The following SFXN1 variants were observed in gnomAD, a reference collection of about 807,000 sequenced individuals.
The protein encoded by SFXN1 is sideroflexin-1.
Under a neutral mutation model 39.5 loss-of-function variants are expected in SFXN1, and 32 were observed. The ratio of observed to expected loss-of-function variants is 0.81; its 90% confidence interval spans 0.61 to 1.09. The LOEUF is 1.09. Among genes scored for constraint, SFXN1 ranks in the 50% least tolerant of loss-of-function variants. The pLI is 0.00. For synonymous variants in SFXN1, 136 were observed against 146.5 expected, an observed-to-expected ratio of 0.93 and a Z score of 0.52; for missense variants, 402 against 407.1, an observed-to-expected ratio of 0.99 and a Z score of 0.11.
intron 1 of SFXN1, among the ~76,000 whole-genome samples, chr5:175,487,272 A>G (rs1031819900): frequency 6.6e-6 from 1 of 152,220 alleles, no homozygotes; most frequent in African/African-American, 2.4e-5. Context: ...GAAGCTCTCC[A>G]GGTGATTTTG....
chr5:175,519,864 C>CTTTTTT (rs369561037), intron 8 of SFXN1, among the ~76,000 whole-genome samples: 29 of 77,248 alleles, frequency 3.8e-4, no homozygotes, highest in Non-Finnish European at 4.6e-4. Flanking sequence ...GGGTTTTTTG[C>CTTTTTT]TTTTTTTTTT....
At position 175,509,198 on chromosome 5, in the gene SFXN1, T is replaced by C. The variant is rs768841572; in HGVS notation, c.331T>C (p.Tyr111His). Reference protein sequence around the residue: ...MTITGCMMTFYRTTPAVLFWQ... With the variant: ...MTITGCMMTFHRTTPAVLFWQ... ...CATCACAGGTTGTATGATGACGTTT[T>C]ACAGGTATGTTATGAATATGTAGCA... Residue 111 changes from tyrosine (Y) to histidine (H), a missense_variant, in exon 3 of 11, where the codon TAC (tyrosine) becomes CAC (histidine). Transcript: ENST00000321442. The C allele has an allele frequency of 6.2e-7, 1 of 1,611,790 alleles. No individual in the cohort carries two copies. Among genetic ancestry groups the C allele is most frequent in the Non-Finnish European group, 8.5e-7 (1 of 1,179,094 alleles).
At chr5:175,505,563 A>ATAATAATAATAATAAT (rs1760260386) in intron 2 of SFXN1, among the ~76,000 whole-genome samples, 1 of 121,600 alleles carries the variant, frequency 8.2e-6, no homozygotes, top group Non-Finnish European at 1.6e-5. Context: ...AATAATAATA[A>ATAATAATAATAATAAT]TAATAATAAT....
Position 175,492,138 on chromosome 5 carries a change from A to T in SFXN1, c.35A>T (p.Lys12Met), listed in dbSNP as rs778768262. Residue 12 changes from lysine (K) to methionine (M), a missense_variant, in exon 2 of 11, where the codon AAG becomes ATG. Physicochemically the swap from Lys to Met is moderately conservative, Grantham distance 95. Coordinates refer to ENST00000321442, the MANE Select transcript of SFXN1 (RefSeq NM_022754.7). ...SGELPPNINI[K>M]EPRWDQSTFI... is the part of the protein sequence containing the mutation. The stretch of plus-strand genomic sequence containing the variant: ...GAACTACCACCAAACATTAACATCA[A>T]GGAACCTCGATGGGATCAAAGCACT... 1.2e-6 allele frequency: 2 copies of T among 1,613,840 alleles called. No homozygotes were observed. Among genetic ancestry groups the T allele is most frequent in the African/African-American group, 2.7e-5 (2 of 74,928 alleles).
intron 10 of SFXN1, chr5:175,524,088 T>C (rs1055321534): frequency 7.4e-5 from 9 of 120,864 alleles, no homozygotes; most frequent in African/African-American, 2.9e-4. Context: ...TGGGCAACAG[T>C]GCGAGATTCT....
intron 2 of SFXN1, among the ~76,000 whole-genome samples, chr5:175,500,667 G>A (rs1017724451): frequency 6.6e-6 from 1 of 152,010 alleles, no homozygotes; most frequent in Non-Finnish European, 1.5e-5. Flanking sequence ...CTAGAATATT[G>A]GAAACAATTT....
intron 6 of SFXN1, 132 bp from the exon 7 acceptor site, chr5:175,513,331 T>C: frequency 1.6e-6 from 1 of 624,328 alleles, no homozygotes; most frequent in Non-Finnish European, 2.5e-6. Context: ...AAAACAGATG[T>C]GTCAGTACCA....
In SFXN1 at chr5:175,529,260, T is replaced by C. The variant is rs156370; in HGVS notation, c.*2526T>C. On this transcript the variant is annotated 3_prime_UTR_variant, in exon 11 of 11. Coordinates refer to ENST00000321442, the MANE Select transcript of SFXN1 (RefSeq NM_022754.7). Reference sequence around the variant, plus strand: ...GGCTGAGGTAGGAGAATCGCTTGAATCCGGGAGCTGGAGGTTGCAGTGAGC... The same window carrying C: ...GGCTGAGGTAGGAGAATCGCTTGAACCCGGGAGCTGGAGGTTGCAGTGAGC... 0.24 allele frequency: 35,723 copies of C among 150,982 alleles called. 5,598 individuals carry two copies. The highest frequency in any genetic ancestry group is 0.45 in the African/African-American group (18,411 of 41,044). 9.4% of individuals were successfully genotyped at this position (150,982 alleles called of 1,614,324 possible). A position where few individuals can be genotyped will look rare whatever the true frequency, so the allele number is the denominator to read the frequency against.
At chr5:175,509,267 T>C (rs1289232559) in intron 3 of SFXN1, 65 bp downstream of exon 3, 1 of 1,474,908 alleles carries the variant, frequency 6.8e-7, no homozygotes, top group African/African-American at 1.4e-5. Flanking sequence ...TATTTTTGTA[T>C]GTAAATAATT....
intron 1 of SFXN1, among the ~76,000 whole-genome samples, chr5:175,480,356 G>A (rs1032581064): frequency 1.3e-5 from 2 of 151,950 alleles, no homozygotes; most frequent in Admixed American, 6.6e-5. Context: ...AGCCGAGATC[G>A]CGCCACTGCA....
intron 1 of SFXN1, chr5:175,491,662 T>C (rs2113279069): frequency 6.5e-6 from 1 of 153,006 alleles, no homozygotes; most frequent in South Asian, 2.1e-4. Context: ...GTTTTTAAAA[T>C]TTTTTGTAGA....
At chr5:175,502,843 AAATAAT>A (rs569098543) in intron 2 of SFXN1, among the ~76,000 whole-genome samples, 1 of 150,270 alleles carries the variant, frequency 6.7e-6, no homozygotes, top group Non-Finnish European at 1.5e-5. Context: ...CTCTATCTCA[AAATAAT>A]AATAATAATA....
At chr5:175,517,616 C>T (rs1204601659) in intron 8 of SFXN1, among the ~76,000 whole-genome samples, 3 of 152,156 alleles carry the variant, frequency 2.0e-5, no homozygotes, top group Non-Finnish European at 2.9e-5. Flanking sequence ...TTCACAGTTG[C>T]TGGTATATGT....
intron 8 of SFXN1, among the ~76,000 whole-genome samples, chr5:175,521,297 A>C (rs1262515475): frequency 1.3e-5 from 2 of 151,924 alleles, no homozygotes; most frequent in African/African-American, 2.4e-5. Context: ...TTATGCCAGA[A>C]ATAGTTTTAA....
chr5:175,525,823 A>C (rs1399966981), intron 10 of SFXN1: 3 of 152,220 alleles, frequency 2.0e-5, no homozygotes, highest in Admixed American at 6.5e-5. Context: ...CAGGTTGCCC[A>C]GGCTGGTCTC....
intron 1 of SFXN1, among the ~76,000 whole-genome samples, chr5:175,489,115 C>A (rs1425616353): frequency 1.2e-5 from 1 of 85,780 alleles, no homozygotes; most frequent in African/African-American, 5.3e-5. Context: ...TTTTTTTAGA[C>A]CTTCTGAAAA....
rs574354010 is a variant in SFXN1, at chr5:175,510,500, A to G, written c.434+293A>G. ...CACCCTGGAGCTCATGGCCCTGTAG[A>G]ACACATGGCAGGCAGCACCGGCCTG... On this transcript the variant is annotated intron_variant, in intron 4 of 10. Transcript: ENST00000321442. Among the ~76,000 whole-genome samples, 74 of 152,210 alleles carry G rather than the reference A, an allele frequency of 4.9e-4. 1 individual carries two copies. The highest frequency in any genetic ancestry group is 1.8e-3 in the African/African-American group (73 of 41,542).
At position 175,518,562 on chromosome 5, in the gene SFXN1, G is replaced by A. The variant is rs184061855; in HGVS notation, c.774+1899G>A. The stretch of plus-strand genomic sequence containing the variant: ...TTAAAGTTTGGGGCACAGAGGGAGC[G>A]CATAGGAGGTATCTTACCCAACTGG... On this transcript the variant is annotated intron_variant, in intron 8 of 10. Transcript: ENST00000321442. Among the ~76,000 whole-genome samples, 218 of 152,246 alleles carry A rather than the reference G, an allele frequency of 1.4e-3. 2 individuals are homozygous for A. The highest frequency in any genetic ancestry group is 8.7e-4 in the Non-Finnish European group (59 of 68,022).
chr5:175,521,845 TCCA>T, intron 8 of SFXN1, 71 bp from the exon 9 acceptor site: 1 of 1,199,812 alleles, frequency 8.3e-7, no homozygotes, highest in South Asian at 1.6e-5. Flanking sequence ...AGAGGTTCCT[TCCA>T]GTTAATCAGA....
Sources: allele counts gnomAD v4.1 joint callset (sites outside exome capture counted in the v4.1 genomes callset), GRCh38; gene constraint gnomAD v4.1.1; transcripts MANE v1.5; gene names NCBI Gene and HGNC (gene_info 2026-07-23, HGNC 2026-07-21).